The following APLP2 variants were observed in gnomAD, a reference collection of about 807,000 sequenced individuals.
APLP2 encodes CDEI box-binding protein.
In APLP2, 53 loss-of-function variants were observed where a neutral mutation model predicts 89.9. The observed-to-expected ratio is 0.59, with a 90% CI of 0.47 to 0.74. The LOEUF (loss-of-function observed/expected upper bound fraction) is 0.74, where lower values mean the gene tolerates loss of function less well. Ranked by LOEUF, APLP2 falls within the 30% of genes least tolerant of loss-of-function variation. APLP2 has a pLI of 0.00. For synonymous variants in APLP2, 372 were observed against 348.6 expected, an observed-to-expected ratio of 1.07 and a Z score of -0.75; for missense variants, 973 against 975.9, an observed-to-expected ratio of 1.00 and a Z score of 0.04.
chr11:130,121,128 G>A lies in APLP2; in HGVS notation c.516+310G>A, dbSNP rs559849803. Among the ~76,000 whole-genome samples, 7 of 152,264 alleles carry A rather than the reference G, an allele frequency of 4.6e-5. No homozygotes were observed. In the East Asian group the frequency reaches 1.2e-3, roughly 25 times the overall value. On this transcript the variant is annotated intron_variant, in intron 4 of 16. Coordinates refer to ENST00000338167, the MANE Select transcript of APLP2 (RefSeq NM_001142276.2). The stretch of plus-strand genomic sequence containing the variant: ...TAACCCTAAGGCCGGCATGGAAATC[G>A]CCAGTGATAGAAAATATAGGTCTGG...
chr11:130,100,426 G>A (rs1174275660), intron 1 of APLP2: 2 of 152,028 alleles, frequency 1.3e-5, no homozygotes, highest in Non-Finnish European at 2.9e-5. Flanking sequence ...AGAATTTCAG[G>A]TGTGTAAACA....
chr11:130,083,026 C>CTTTTCTTTTTTTTT (rs1943479091), intron 1 of APLP2, among the ~76,000 whole-genome samples: 1 of 72,488 alleles, frequency 1.4e-5, no homozygotes. Flanking sequence ...CTTTTCTTTT[C>CTTTTCTTTTTTTTT]TTTTTTTTTT....
At chr11:130,084,183 T>G (rs1943724650) in intron 1 of APLP2, among the ~76,000 whole-genome samples, 2 of 152,084 alleles carry the variant, frequency 1.3e-5, no homozygotes, top group African/African-American at 4.8e-5. Flanking sequence ...GAGGTGGAGC[T>G]TGCAGTGAGC....
At chr11:130,110,696 G>A in intron 3 of APLP2, 35 bp downstream of exon 3, 1 of 1,576,688 alleles carries the variant, frequency 6.3e-7, no homozygotes, top group Non-Finnish European at 8.6e-7. Context: ...GGAAGTGCCA[G>A]CCCCCTCCCA....
In APLP2 at chr11:130,127,810, C is replaced by A; in HGVS notation, c.1266C>A (p.Leu422=). Residue 422 remains leucine, a synonymous_variant, in exon 9 of 17, where the codon CTC becomes CTA. Coordinates refer to ENST00000338167, the MANE Select transcript of APLP2 (RefSeq NM_001142276.2). ...WEEAELQAKN[L]PKAERQTLIQ... ...AGGCAGAGCTTCAAGCTAAGAACCT[C>A]CCCAAAGCAGAGAGGCAGACTCTGA... The A allele has an allele frequency of 6.2e-7, 1 of 1,614,122 alleles. No individual in the cohort carries two copies. Among genetic ancestry groups the A allele is most frequent in the South Asian group, 1.1e-5 (1 of 91,060 alleles).
At position 130,123,496 on chromosome 11, in the gene APLP2, C is replaced by T. The variant is rs994809190; in HGVS notation, c.923-116C>T. 6.9e-6 allele frequency: 8 copies of T among 1,154,672 alleles called. No individual in the cohort carries two copies. The highest frequency in any genetic ancestry group is 3.0e-4 in the Middle Eastern group (1 of 3,372). The allele number at this position is 1,154,672 out of a possible 1,614,324, so 71.5% of individuals were successfully genotyped here. On this transcript the variant is annotated intron_variant, in intron 6 of 16. Coordinates refer to ENST00000338167, the MANE Select transcript of APLP2 (RefSeq NM_001142276.2). The surrounding 1 kb of genome is among the most constrained non-coding windows in gnomAD (Gnocchi z 4.0). ...AGCTTTCGGCCACCGGGCCTCCAGG[C>T]TCCGTCCAGTCTCAGGCCTCCCCCA...
chr11:130,072,361 C>T (rs1941274981), intron 1 of APLP2, among the ~76,000 whole-genome samples: 1 of 152,030 alleles, frequency 6.6e-6, no homozygotes, highest in Non-Finnish European at 1.5e-5. Flanking sequence ...TAAAGGATGT[C>T]AACTGAGGCA....
chr11:130,104,383 TA>T (rs1245717537), intron 1 of APLP2, among the ~76,000 whole-genome samples: 1 of 151,720 alleles, frequency 6.6e-6, no homozygotes, highest in East Asian at 1.9e-4. Context: ...CATGCCTGGC[TA>T]ATTTTTGTAT....
chr11:130,144,094 A>G lies in APLP2; in HGVS notation c.*646A>G, dbSNP rs969905543. On this transcript the variant is annotated 3_prime_UTR_variant, in exon 17 of 17. Transcript: ENST00000338167. ...TCCTGTCACCAAGGACGTTAAAGGC[A>G]TTTTATTCCAGCGTCTTCTAGAGAG... is the stretch of plus-strand genomic sequence containing the variant. The G allele has an allele frequency of 1.3e-5, 2 of 152,612 alleles. No individual in the cohort carries two copies. The highest frequency in any genetic ancestry group is 4.8e-5 in the African/African-American group (2 of 41,444). 9.5% of individuals were successfully genotyped at this position (152,612 alleles called of 1,614,324 possible).
At chr11:130,131,943 C>T (rs1391851736) in intron 11 of APLP2, among the ~76,000 whole-genome samples, 1 of 152,200 alleles carries the variant, frequency 6.6e-6, no homozygotes, top group Non-Finnish European at 1.5e-5. Context: ...GCCTTGTTCC[C>T]TATTCTGTTA....
At chr11:130,071,634 A>G (rs1005153609) in intron 1 of APLP2, among the ~76,000 whole-genome samples, 29 of 152,266 alleles carry the variant, frequency 1.9e-4, no homozygotes, top group Non-Finnish European at 3.7e-4. Flanking sequence ...GTGAATTCAC[A>G]GTAGAAGACT....
chr11:130,075,330 A>G (rs1941931217), intron 1 of APLP2, among the ~76,000 whole-genome samples: 1 of 152,128 alleles, frequency 6.6e-6, no homozygotes, highest in South Asian at 2.1e-4. Flanking sequence ...TGTTTTTCAA[A>G]ATGAGATCTT....
rs111378005 is a variant in APLP2 at position 130,129,437 on chromosome 11, G to A, written c.1455+231G>A. Among the ~76,000 whole-genome samples the A allele has an allele frequency of 5.9e-5, 9 of 152,310 alleles. No individual in the cohort carries two copies. In the East Asian group the frequency reaches 1.3e-3, roughly 23 times the overall value. On this transcript the variant is annotated intron_variant, in intron 10 of 16. Coordinates refer to ENST00000338167, the MANE Select transcript of APLP2 (RefSeq NM_001142276.2). ...CACCTGTGATGTGAAAGTGTTTTAC[G>A]CTGGAAAAGTATAACCTCGCGAAAT...
At chr11:130,107,211 A>G (rs891324782) in intron 1 of APLP2, among the ~76,000 whole-genome samples, 2 of 152,210 alleles carry the variant, frequency 1.3e-5, no homozygotes, top group Admixed American at 6.5e-5. Flanking sequence ...AAGTAAAATT[A>G]TTGGAATTTT....
intron 1 of APLP2, 43 bp downstream of exon 1, chr11:130,070,125 C>G: frequency 7.9e-7 from 1 of 1,262,270 alleles, no homozygotes; most frequent in Non-Finnish European, 1.0e-6. Context: ...CCTTCGCCCG[C>G]CGGAGGAGCG....
rs1283657207 is a variant in APLP2, at chr11:130,069,910, C to T, written c.-68C>T. ...ACTGGCTTTAGATGCTTCTGGGTCG[C>T]GGTGTGCTAAGCGAGGAGTCCGAGT... On this transcript the variant is annotated 5_prime_UTR_variant, in exon 1 of 17. Coordinates refer to ENST00000338167, the MANE Select transcript of APLP2 (RefSeq NM_001142276.2). 13 of 1,212,372 alleles carry T rather than the reference C, an allele frequency of 1.1e-5. No homozygotes were observed. In the South Asian group the frequency reaches 1.7e-4, roughly 16 times the overall value. 75.1% of individuals were successfully genotyped at this position (1,212,372 alleles called of 1,614,324 possible).
intron 1 of APLP2, among the ~76,000 whole-genome samples, chr11:130,074,091 A>G (rs1055429107): frequency 6.6e-6 from 1 of 152,230 alleles, no homozygotes; most frequent in African/African-American, 2.4e-5. Flanking sequence ...TACAGCCATC[A>G]ACCTAATGAA....
intron 5 of APLP2, 150 bp downstream of exon 5, chr11:130,121,960 C>A: frequency 7.8e-7 from 1 of 1,277,632 alleles, no homozygotes; most frequent in Non-Finnish European, 1.1e-6. Context: ...TTCATTCTAG[C>A]CATTGCCAAT....
At chr11:130,072,663 G>C (rs1835217330) in intron 1 of APLP2, among the ~76,000 whole-genome samples, 1 of 152,068 alleles carries the variant, frequency 6.6e-6, no homozygotes, top group Admixed American at 6.6e-5. Flanking sequence ...TTTTAGTAGA[G>C]ACAGGGTTTC....
Sources: gnomAD v4.1 joint callset for allele counts (sites outside exome capture counted in the v4.1 genomes callset) on GRCh38, gnomAD v4.1.1 for gene constraint, Gnocchi (gnomAD v3.1) non-coding constraint, MANE v1.5 for transcripts, NCBI Gene and HGNC (gene_info 2026-07-23, HGNC 2026-07-21) for gene names.